ZNF423: variants seen among roughly 807,000 people sequenced by gnomAD.
ZNF423 encodes the protein zinc finger protein 423, also known as Ebf-associated zinc finger protein.
Under a neutral mutation model 95.8 loss-of-function variants are expected in ZNF423, and 12 were observed. That is an observed-to-expected ratio of 0.13 (90% CI 0.08 to 0.20). The LOEUF (loss-of-function observed/expected upper bound fraction) is 0.20, where lower values mean the gene tolerates loss of function less well. Ranked by LOEUF, ZNF423 falls within the 10% of genes least tolerant of loss-of-function variation. The pLI, the probability that ZNF423 is intolerant of heterozygous loss-of-function variation, is 1.00. For synonymous variants in ZNF423, 749 were observed against 711.9 expected (o/e 1.05, Z -0.83); for missense variants, 1,316 against 1,737.1 (o/e 0.76, Z 4.31).
At chr16:49,541,806 A>G (rs904601190) in intron 5 of ZNF423, among the ~76,000 whole-genome samples, 9 of 152,110 alleles carry the variant, frequency 5.9e-5, no homozygotes, top group African/African-American at 1.9e-4. Flanking sequence ...CTTGGCTCTC[A>G]TTCTTCTCTT....
intron 3 of ZNF423, among the ~76,000 whole-genome samples, chr16:49,689,229 C>T (rs1425586523): frequency 6.6e-6 from 1 of 151,220 alleles, no homozygotes; most frequent in Non-Finnish European, 1.5e-5. Context: ...ATGGCTTGAG[C>T]CCAGGAGTTC....
At chr16:49,779,298 A>G (rs577107440) in intron 2 of ZNF423, among the ~76,000 whole-genome samples, 3 of 151,944 alleles carry the variant, frequency 2.0e-5, no homozygotes, top group African/African-American at 4.8e-5. Context: ...CAGGATCAGG[A>G]GCTCTTTGGC....
At chr16:49,502,877 C>T (rs1338660932) in intron 7 of ZNF423, among the ~76,000 whole-genome samples, 2 of 129,956 alleles carry the variant, frequency 1.5e-5, no homozygotes, top group African/African-American at 3.3e-5. Flanking sequence ...CCCATGTGCC[C>T]ACACACATAG....
chr16:49,672,868 G>GA (rs35633917), intron 3 of ZNF423, among the ~76,000 whole-genome samples: 1 of 152,126 alleles, frequency 6.6e-6, no homozygotes, highest in East Asian at 1.9e-4. Flanking sequence ...AAAAGCCTCC[G>GA]AAAAAAGAGT....
chr16:49,713,858 C>A (rs1318416048), intron 3 of ZNF423, among the ~76,000 whole-genome samples: 1 of 152,134 alleles, frequency 6.6e-6, no homozygotes, highest in Non-Finnish European at 1.5e-5. Context: ...AGAATGTGGG[C>A]GAAGAGGGAA....
chr16:49,767,913 C>A (rs2033958515), intron 2 of ZNF423, among the ~76,000 whole-genome samples: 1 of 152,254 alleles, frequency 6.6e-6, no homozygotes, highest in Non-Finnish European at 1.5e-5. Context: ...GTCCTCCCCA[C>A]TGTCTGTGAA....
chr16:49,581,071 G>A (rs964309339), intron 5 of ZNF423, among the ~76,000 whole-genome samples: 2 of 152,120 alleles, frequency 1.3e-5, no homozygotes, highest in African/African-American at 2.4e-5. Flanking sequence ...CTTAAGAACC[G>A]TGGACAAAAA....
intron 2 of ZNF423, among the ~76,000 whole-genome samples, chr16:49,777,892 G>A (rs1004278300): frequency 6.6e-6 from 1 of 152,200 alleles, no homozygotes; most frequent in African/African-American, 2.4e-5. Context: ...TTATTGTTAA[G>A]ACAGTGATAA....
chr16:49,679,083 C>G (rs781051531), intron 3 of ZNF423, among the ~76,000 whole-genome samples: 1 of 152,242 alleles, frequency 6.6e-6, no homozygotes, highest in Non-Finnish European at 1.5e-5. Context: ...GCTCGGACTA[C>G]AGGTGTGTGC....
At position 49,491,141 on chromosome 16, in the gene ZNF423, G is replaced by T. The variant is rs995053955; in HGVS notation, c.*134C>A. ...ATTTCCAGCTGCTTATAATAGCAGCGCCTCATGGCCAAATCATTAGAGTTT... is the reference window on the plus strand; with the variant it reads ...ATTTCCAGCTGCTTATAATAGCAGCTCCTCATGGCCAAATCATTAGAGTTT... On this transcript the variant is annotated 3_prime_UTR_variant, in exon 8 of 8. Transcript: ENST00000563137. 2 of 998,250 alleles carry T rather than the reference G, an allele frequency of 2.0e-6. No homozygotes were observed. Among genetic ancestry groups the T allele is most frequent in the Non-Finnish European group, 3.2e-6 (2 of 629,636 alleles). 61.8% of individuals were successfully genotyped at this position (998,250 alleles called of 1,614,324 possible).
intron 7 of ZNF423, among the ~76,000 whole-genome samples, chr16:49,511,478 C>G (rs1007406329): frequency 6.6e-6 from 1 of 152,252 alleles, no homozygotes; most frequent in Non-Finnish European, 1.5e-5. Context: ...ACATGGGGAG[C>G]CTCAGTTTAC....
chr16:49,851,826 G>A (rs1362622), intron 1 of ZNF423, among the ~76,000 whole-genome samples: 31,187 of 152,112 alleles, frequency 0.21, 3,334 homozygotes, highest in African/African-American at 0.25. Context: ...ATTACTAGAC[G>A]TAAAGGATGT....
At chr16:49,592,948 G>A (rs1342317944) in intron 5 of ZNF423, among the ~76,000 whole-genome samples, 2 of 152,196 alleles carry the variant, frequency 1.3e-5, no homozygotes, top group East Asian at 1.9e-4. Flanking sequence ...GACAGCTTTC[G>A]TGCGGTTGTG....
intron 7 of ZNF423, among the ~76,000 whole-genome samples, chr16:49,496,199 G>C (rs557622153): frequency 6.6e-6 from 1 of 152,356 alleles, no homozygotes; most frequent in East Asian, 1.9e-4. Flanking sequence ...TACTGGCCAT[G>C]TGGCCTTGGG....
intron 3 of ZNF423, among the ~76,000 whole-genome samples, chr16:49,682,930 G>C (rs965777795): frequency 6.6e-6 from 1 of 152,122 alleles, no homozygotes; most frequent in Non-Finnish European, 1.5e-5. Context: ...CACAACCAGC[G>C]CAGAGCCGCA....
intron 5 of ZNF423, among the ~76,000 whole-genome samples, chr16:49,551,003 G>A (rs76033418): frequency 0.012 from 1,874 of 152,314 alleles, 42 homozygotes; most frequent in African/African-American, 0.041. Flanking sequence ...GAGGAAACAG[G>A]TGATTCTCAC....
chr16:49,643,997 G>T (rs1476004355), intron 3 of ZNF423, among the ~76,000 whole-genome samples: 2 of 152,220 alleles, frequency 1.3e-5, no homozygotes, highest in Non-Finnish European at 2.9e-5. Context: ...GTGTAAAACT[G>T]CCTCGGACAC....
chr16:49,735,985 C>G lies in ZNF423; in HGVS notation c.101-5014G>C, dbSNP rs111243100. Among the ~76,000 whole-genome samples the G allele has an allele frequency of 8.6e-3, 1,312 of 152,272 alleles. 23 individuals are homozygous for G. The highest frequency in any genetic ancestry group is 0.03 in the African/African-American group (1,253 of 41,550). On this transcript the variant is annotated intron_variant, in intron 2 of 7. Transcript: ENST00000563137. The stretch of plus-strand genomic sequence containing the variant: ...TTGTTACGTAGCAATGGATAGCCGA[C>G]CTTCTCGCCCCACACCGGACTATAA...
chr16:49,510,750 G>A (rs1255274189), intron 7 of ZNF423, among the ~76,000 whole-genome samples: 1 of 152,194 alleles, frequency 6.6e-6, no homozygotes, highest in African/African-American at 2.4e-5. Context: ...TGTGGATGTG[G>A]AGCCGGTGAG....
Sources: gnomAD v4.1 joint callset for allele counts (sites outside exome capture counted in the v4.1 genomes callset) on GRCh38, gnomAD v4.1.1 for gene constraint, MANE v1.5 for transcripts, NCBI Gene and HGNC (gene_info 2026-07-23, HGNC 2026-07-21) for gene names.